Variants in ZFHX4 observed in about 807,000 individuals in gnomAD.
ZFHX4 encodes zinc finger homeobox protein 4.
ZFHX4 carries 56 observed loss-of-function variants against 267.6 expected under a neutral mutation model. The ratio of observed to expected loss-of-function variants is 0.21; its 90% CI spans 0.17 to 0.26. The LOEUF is 0.26. Among genes scored for constraint, ZFHX4 ranks in the 10% least tolerant of loss-of-function variants. The pLI is 1.00. For missense variants in ZFHX4, 4,332 were observed against 4,420.0 expected (o/e 0.98, Z 0.56); for synonymous variants, 1,778 against 1,665.6 (o/e 1.07, Z -1.64).
chr8:76,794,445 A>C (rs972489503), intron 4 of ZFHX4, among the ~76,000 whole-genome samples: 3 of 152,174 alleles, frequency 2.0e-5, no homozygotes, highest in Non-Finnish European at 4.4e-5. Context: ...TGCTTTGGAA[A>C]GTTCTCTTTC....
At chr8:76,760,928 C>CAAAAAAAAAAAAA (rs771069673) in intron 3 of ZFHX4, among the ~76,000 whole-genome samples, 6 of 64,120 alleles carry the variant, frequency 9.4e-5, no homozygotes, top group East Asian at 4.1e-4. Context: ...GACCCTGCCT[C>CAAAAAAAAAAAAA]AAAAAAAAAA....
chr8:76,835,243 A>ATATATATATATATGTATATATATG lies in ZFHX4; in HGVS notation c.3394+1850_3394+1851insGTATATATATGTATATATATATAT, dbSNP rs1554572186. On this transcript the variant is annotated intron_variant, in intron 5 of 10. Coordinates refer to ENST00000651372, the MANE Select transcript of ZFHX4 (RefSeq NM_024721.5). The stretch of plus-strand genomic sequence containing the variant: ...TGTATATATATATATATATATATGT[A>ATATATATATATATGTATATATATG]TATATATATATATATATTCATACAT... 7.8e-5 allele frequency among the ~76,000 whole-genome samples: 8 copies of ATATATATATATATGTATATATATG among 102,718 alleles called. 1 individual carries two copies. The highest frequency in any genetic ancestry group is 6.2e-4 in the East Asian group (2 of 3,228). 67.4% of individuals were successfully genotyped at this position (102,718 alleles called of 152,430 possible). A position where few individuals can be genotyped will look rare whatever the true frequency, so the allele number is the denominator to read the frequency against.
intron 3 of ZFHX4, among the ~76,000 whole-genome samples, chr8:76,715,823 T>C (rs1808555778): frequency 6.6e-6 from 1 of 152,206 alleles, no homozygotes; most frequent in South Asian, 2.1e-4. Flanking sequence ...TTAAAGTGTA[T>C]GGAGATCATA....
intron 1 of ZFHX4, among the ~76,000 whole-genome samples, chr8:76,698,207 G>T (rs1049706154): frequency 1.3e-5 from 2 of 152,056 alleles, no homozygotes; most frequent in African/African-American, 4.8e-5. Context: ...AACTAGATTG[G>T]TTGCAAGTAC....
chr8:76,854,050 G>A lies in ZFHX4; in HGVS notation c.7129G>A (p.Ala2377Thr), dbSNP rs1252449052. The A allele has an allele frequency of 6.2e-7, 1 of 1,613,904 alleles. No homozygotes were observed. Among genetic ancestry groups the A allele is most frequent in the East Asian group, 2.2e-5 (1 of 44,862 alleles). Residue 2377 changes from alanine to threonine, a missense_variant, in exon 10 of 11, where the codon GCT becomes ACT. By Grantham distance (58) the Ala-to-Thr change is moderately conservative (BLOSUM62 0). Around this residue, in one of 7 missense-constraint regions of ZFHX4, gnomAD observed 1,648 missense variants for 1,625.0 expected, o/e 1.01. Transcript: ENST00000651372. ...CCAAACGGATGCAGCTAAAAACGCT[G>A]CTGCCCCTGCAGCAAGTTCTGGCTC... The part of the protein sequence containing the change: ...SGQTDAAKNA[A>T]APAASSGSGT...
intron 3 of ZFHX4, among the ~76,000 whole-genome samples, chr8:76,773,313 G>A (rs1012952015): frequency 1.3e-5 from 2 of 152,144 alleles, no homozygotes; most frequent in African/African-American, 4.8e-5. Flanking sequence ...ATGGAGATGA[G>A]CAGAATTGAT....
intron 4 of ZFHX4, among the ~76,000 whole-genome samples, chr8:76,784,335 G>A (rs1810629701): frequency 6.6e-6 from 1 of 151,702 alleles, no homozygotes; most frequent in Admixed American, 6.6e-5. Context: ...TATTGACTCA[G>A]TAAATGTAAA....
intron 6 of ZFHX4, among the ~76,000 whole-genome samples, chr8:76,848,388 C>A (rs1812418179): frequency 6.6e-6 from 1 of 152,148 alleles, no homozygotes; most frequent in South Asian, 2.1e-4. Flanking sequence ...AAACCATTGT[C>A]TTCTTGAGAT....
In ZFHX4 at chr8:76,786,764, C is replaced by A. The variant is rs547046160; in HGVS notation, c.3325+8325C>A. Among the ~76,000 whole-genome samples the A allele has an allele frequency of 2.6e-5, 4 of 152,232 alleles. No individual in the cohort carries two copies. The South Asian group carries it at 8.3e-4, about 32-fold the overall frequency. ...AATTGTGTTCCCATAAGTAGAACTT[C>A]GGGCAGGGATCACTGATTGCAGTTT... On this transcript the variant is annotated intron_variant, in intron 4 of 10. Coordinates refer to ENST00000651372, the MANE Select transcript of ZFHX4 (RefSeq NM_024721.5).
intron 4 of ZFHX4, among the ~76,000 whole-genome samples, chr8:76,827,053 C>A (rs930388526): frequency 6.6e-6 from 1 of 152,116 alleles, no homozygotes; most frequent in African/African-American, 2.4e-5. Flanking sequence ...TTCTTCTAGA[C>A]AATAAAGAGA....
Position 76,778,345 on chromosome 8 carries a change from A to G in ZFHX4, c.3231A>G (p.Leu1077=), listed in dbSNP as rs770656223. 8.1e-6 allele frequency: 13 copies of G among 1,613,768 alleles called. No homozygotes were observed. The East Asian group carries it at 2.5e-4, about 30-fold the overall frequency. Residue 1077 remains leucine (L), a synonymous_variant, in exon 4 of 11, where the codon CTA becomes CTG. Transcript: ENST00000651372. ...TGAAGCATCAGCAGACTGAGGGCCT[A>G]CGGAAGCTCCAGCTCCACCAGCAAG... ...RSVKHQQTEG[L]RKLQLHQQGL...
intron 3 of ZFHX4, among the ~76,000 whole-genome samples, chr8:76,746,501 C>T (rs1257817041): frequency 6.6e-6 from 1 of 152,204 alleles, no homozygotes; most frequent in Non-Finnish European, 1.5e-5. Flanking sequence ...CCCCGGTGAT[C>T]ATTTTCAGAA....
chr8:76,705,245 C>A lies in ZFHX4; in HGVS notation c.1157C>A (p.Ala386Glu). The A allele has an allele frequency of 6.2e-7, 1 of 1,613,960 alleles. No homozygotes were observed. Among genetic ancestry groups the A allele is most frequent in the South Asian group, 1.1e-5 (1 of 91,078 alleles). The change falls in exon 2 of 11, where the codon GCG becomes GAG. Residue 386 changes from alanine to glutamate, a missense_variant. Physicochemically the swap from Ala to Glu is moderately radical, Grantham distance 107. Coordinates refer to ENST00000651372, the MANE Select transcript of ZFHX4 (RefSeq NM_024721.5). ...PAGFAFLKGS[A>E]STSSSAEQPL... The stretch of plus-strand genomic sequence containing the variant: ...GGCTTTGCCTTCTTAAAAGGAAGCG[C>A]GAGCACCTCGAGCTCAGCAGAGCAG...
intron 3 of ZFHX4, among the ~76,000 whole-genome samples, chr8:76,744,569 T>C (rs1020724189): frequency 6.6e-6 from 1 of 152,036 alleles, no homozygotes; most frequent in East Asian, 2.0e-4. Context: ...TGTGCCATTA[T>C]GCCCAGCTAA....
At chr8:76,702,029 C>A (rs964778982) in intron 1 of ZFHX4, among the ~76,000 whole-genome samples, 1 of 152,038 alleles carries the variant, frequency 6.6e-6, no homozygotes, top group African/African-American at 2.4e-5. Context: ...AGTATGAATA[C>A]GTTATTTGTG....
chr8:76,769,715 C>A (rs1472665198), intron 3 of ZFHX4, among the ~76,000 whole-genome samples: 1 of 152,140 alleles, frequency 6.6e-6, no homozygotes, highest in East Asian at 1.9e-4. Flanking sequence ...GTCAAAGGGT[C>A]ACTTGATTTC....
intron 3 of ZFHX4, among the ~76,000 whole-genome samples, chr8:76,772,469 A>G (rs1563513320): frequency 6.6e-6 from 1 of 152,148 alleles, no homozygotes; most frequent in East Asian, 1.9e-4. Flanking sequence ...AGGAAGACTG[A>G]GTAAGAGGGT....
intron 4 of ZFHX4, chr8:76,782,100 A>ATTTTTTTTTTTTTTTTTTT (rs77420241): frequency 1.4e-4 from 33 of 236,754 alleles, no homozygotes; most frequent in African/African-American, 1.7e-4. Flanking sequence ...TCAGTTAAGA[A>ATTTTTTTTTTTTTTTTTTT]TTTTTTTTTT....
rs777243017 is a variant in ZFHX4 at position 76,863,221 on chromosome 8, T to C, written c.9507T>C (p.Pro3169=). Residue 3169 remains proline, a synonymous_variant, in exon 11 of 11, where the codon CCT becomes CCC. Coordinates refer to ENST00000651372, the MANE Select transcript of ZFHX4 (RefSeq NM_024721.5). ...LQTPPPPPPP[P]PPPPSSSLSG... ...CTCCACCACCTCCACCACCTCCTCC[T>C]CCTCCTCCTCCTTCATCCTCTCTGT... The C allele has an allele frequency of 1.3e-6, 2 of 1,581,520 alleles. No homozygotes were observed. The highest frequency in any genetic ancestry group is 1.7e-6 in the Non-Finnish European group (2 of 1,163,362).
Sources: allele counts gnomAD v4.1 joint callset (sites outside exome capture counted in the v4.1 genomes callset), GRCh38; gene constraint gnomAD v4.1.1; regional missense constraint gnomAD v4.1.1; transcripts MANE v1.5; gene names NCBI Gene and HGNC (gene_info 2026-07-23, HGNC 2026-07-21).